Variants in NCAM2 observed in about 807,000 individuals in gnomAD.
NCAM2 encodes N-CAM-2.
NCAM2 carries 30 observed loss-of-function variants against 98.1 expected under a neutral mutation model. The observed-to-expected ratio is 0.31, with a 90% CI of 0.23 to 0.41. The LOEUF is 0.41. NCAM2 is among the 10% of genes least tolerant of loss of function. NCAM2 has a pLI of 1.00. For missense variants in NCAM2, 867 were observed against 1,005.8 expected, an observed-to-expected ratio of 0.86 and a Z score of 1.87; for synonymous variants, 368 against 342.4, an observed-to-expected ratio of 1.07 and a Z score of -0.83.
intron 1 of NCAM2, among the ~76,000 whole-genome samples, chr21:21,260,274 T>C (rs184923824): frequency 7.9e-5 from 12 of 151,894 alleles, no homozygotes; most frequent in African/African-American, 2.7e-4. Flanking sequence ...AAAACATAAT[T>C]GAGGGAATAA....
At chr21:21,365,930 GAT>G (rs1352065945) in intron 8 of NCAM2, among the ~76,000 whole-genome samples, 1 of 151,240 alleles carries the variant, frequency 6.6e-6, no homozygotes, top group Non-Finnish European at 1.5e-5. Context: ...TGTCTCGATT[GAT>G]ATATTTAGTT....
At chr21:21,024,890 G>GAA (rs756802397) in intron 1 of NCAM2, among the ~76,000 whole-genome samples, 5 of 125,378 alleles carry the variant, frequency 4.0e-5, no homozygotes, top group Non-Finnish European at 1.7e-5. Flanking sequence ...CCGTCTCAAA[G>GAA]AAAAAAAAAA....
intron 1 of NCAM2, among the ~76,000 whole-genome samples, chr21:21,197,083 G>A (rs764759656): frequency 6.6e-6 from 1 of 152,086 alleles, no homozygotes; most frequent in Non-Finnish European, 1.5e-5. Flanking sequence ...TAGGACCAGT[G>A]GAACTGTGAG....
chr21:21,247,118 G>A (rs1285545869), intron 1 of NCAM2, among the ~76,000 whole-genome samples: 7 of 151,826 alleles, frequency 4.6e-5, no homozygotes, highest in African/African-American at 1.7e-4. Context: ...AGGAGATTGA[G>A]ACCATCCTGG....
chr21:21,117,535 A>T (rs1249080469), intron 1 of NCAM2, among the ~76,000 whole-genome samples: 1 of 152,224 alleles, frequency 6.6e-6, no homozygotes, highest in Non-Finnish European at 1.5e-5. Context: ...TTTCATATAT[A>T]TGATAATGCA....
intron 8 of NCAM2, among the ~76,000 whole-genome samples, chr21:21,358,164 T>C (rs983821142): frequency 1.3e-5 from 2 of 152,110 alleles, no homozygotes; most frequent in African/African-American, 4.8e-5. Flanking sequence ...CCGTAGAGGA[T>C]CTCAAATAAT....
chr21:21,135,928 T>A (rs536508991), intron 1 of NCAM2, among the ~76,000 whole-genome samples: 1 of 130,602 alleles, frequency 7.7e-6, no homozygotes, highest in Admixed American at 7.4e-5. Context: ...TAAGTCAGTG[T>A]CCCATGTATT....
Position 21,147,881 on chromosome 21 carries a change from A to G in NCAM2, c.56-132697A>G, listed in dbSNP as rs947245834. Among the ~76,000 whole-genome samples the G allele has an allele frequency of 4.0e-5, 6 of 151,312 alleles. 1 individual carries two copies. The highest frequency in any genetic ancestry group is 2.0e-4 in the Admixed American group (3 of 15,136). On this transcript the variant is annotated intron_variant, in intron 1 of 17. Coordinates refer to ENST00000400546, the MANE Select transcript of NCAM2 (RefSeq NM_004540.5). ...AAATTAGGATAATTTTTCATTCTCT[A>G]TATAATATATAGGATAATAATAGGA...
intron 1 of NCAM2, among the ~76,000 whole-genome samples, chr21:21,244,844 T>TA (rs11410837): frequency 0.89 from 89,304 of 99,864 alleles, 40,590 homozygotes; most frequent in Non-Finnish European, 0.97. Context: ...AGACTCTGTC[T>TA]AAAAAAAAAA....
At position 21,235,167 on chromosome 21, in the gene NCAM2, G is replaced by T. The variant is rs182799416; in HGVS notation, c.56-45411G>T. 1.5e-3 allele frequency among the ~76,000 whole-genome samples: 223 copies of T among 151,622 alleles called. 1 individual carries two copies. The highest frequency in any genetic ancestry group is 5.2e-3 in the African/African-American group (215 of 41,280). Reference sequence around the variant, plus strand: ...AAAAAAGTGGGGAGAGAGTTAACATGAATTTTAACATGCTTTAGTAAGAAA... The same window carrying T: ...AAAAAAGTGGGGAGAGAGTTAACATTAATTTTAACATGCTTTAGTAAGAAA... On this transcript the variant is annotated intron_variant, in intron 1 of 17. Transcript: ENST00000400546.
intron 8 of NCAM2, among the ~76,000 whole-genome samples, chr21:21,351,649 T>C (rs984741049): frequency 6.6e-6 from 1 of 152,232 alleles, no homozygotes; most frequent in Non-Finnish European, 1.5e-5. Flanking sequence ...ATGTTCAAAG[T>C]GTTTTAACAT....
Position 21,431,046 on chromosome 21 carries a change from C to CAA in NCAM2, c.1481-1038_1481-1037dup, listed in dbSNP as rs34613152. Among the ~76,000 whole-genome samples, 281 of 63,840 alleles carry CAA rather than the reference C, an allele frequency of 4.4e-3. 3 individuals carry two copies. The highest frequency in any genetic ancestry group is 0.011 in the African/African-American group (167 of 15,018). 41.9% of individuals were successfully genotyped at this position (63,840 alleles called of 152,430 possible). A position where few individuals can be genotyped will look rare whatever the true frequency, so the allele number is the denominator to read the frequency against. On this transcript the variant is annotated intron_variant, in intron 11 of 17. Transcript: ENST00000400546. ...CTGGCCAGAAAACGAAACTCCGTCT[C>CAA]AAAAAAAAAAAAAAAAAAAAAAAAA...
intron 12 of NCAM2, among the ~76,000 whole-genome samples, chr21:21,443,429 T>A (rs1979618240): frequency 6.6e-6 from 1 of 152,026 alleles, no homozygotes; most frequent in South Asian, 2.1e-4. Flanking sequence ...GTATAATTTT[T>A]TTTTTCTTTT....
chr21:21,534,591 T>TA lies in NCAM2; in HGVS notation c.2338dup (p.Thr780AsnfsTer2). On this transcript the variant is annotated frameshift_variant, in exon 17 of 18. Transcript: ENST00000400546. LOFTEE classifies it high-confidence loss of function. The stretch of plus-strand genomic sequence containing the variant: ...AGATGAGAACAGAGGATGAAAGAGT[T>TA]ACTAATCACGAAGATGGGAGCCCAG... The TA allele has an allele frequency of 6.2e-7, 1 of 1,608,108 alleles. No homozygotes were observed. The highest frequency in any genetic ancestry group is 8.5e-7 in the Non-Finnish European group (1 of 1,175,438).
At chr21:21,132,227 C>A (rs1011975886) in intron 1 of NCAM2, among the ~76,000 whole-genome samples, 1 of 152,026 alleles carries the variant, frequency 6.6e-6, no homozygotes, top group East Asian at 1.9e-4. Context: ...CTTGCTTTTG[C>A]TTTCTCTTTC....
chr21:21,354,106 A>T (rs1453931381), intron 8 of NCAM2, among the ~76,000 whole-genome samples: 2 of 152,184 alleles, frequency 1.3e-5, no homozygotes, highest in Non-Finnish European at 2.9e-5. Context: ...TATATCATAA[A>T]TATAAAGTGC....
At chr21:21,037,040 T>G (rs2064814677) in intron 1 of NCAM2, among the ~76,000 whole-genome samples, 1 of 152,122 alleles carries the variant, frequency 6.6e-6, no homozygotes. Flanking sequence ...TGGGGTGAAA[T>G]GCTTTTTTTT....
At chr21:21,054,537 A>C (rs1181621043) in intron 1 of NCAM2, among the ~76,000 whole-genome samples, 1 of 152,038 alleles carries the variant, frequency 6.6e-6, no homozygotes, top group Admixed American at 6.5e-5. Context: ...ATATCTATCA[A>C]GATGTATTGC....
In NCAM2 at chr21:21,469,563, G is replaced by A. The variant is rs1423450831; in HGVS notation, c.1896+780G>A. Among the ~76,000 whole-genome samples, 3 of 151,972 alleles carry A rather than the reference G, an allele frequency of 2.0e-5. No homozygotes were observed. The East Asian group carries it at 5.8e-4, about 29-fold the overall frequency. On this transcript the variant is annotated intron_variant, in intron 14 of 17. Transcript: ENST00000400546. ...CATGCGTTTTATGCTTATGTTGACTGAATCCATATTAGTGCTATCCAAATT... is the reference window on the plus strand; with the variant it reads ...CATGCGTTTTATGCTTATGTTGACTAAATCCATATTAGTGCTATCCAAATT...
Sources: gnomAD v4.1 joint callset for allele counts (sites outside exome capture counted in the v4.1 genomes callset) on GRCh38, gnomAD v4.1.1 for gene constraint, MANE v1.5 for transcripts, NCBI Gene and HGNC (gene_info 2026-07-23, HGNC 2026-07-21) for gene names.